The following RAB27B variants were observed in gnomAD, a reference collection of about 807,000 sequenced individuals.
RAB27B encodes RAB27B, member RAS oncogene family.
In RAB27B, 15 loss-of-function variants were observed where a neutral mutation model predicts 24.6. The ratio of observed to expected loss-of-function variants is 0.61; its 90% CI spans 0.41 to 0.94. The LOEUF is 0.94. RAB27B is among the 40% of genes least tolerant of loss of function. The pLI, the probability that RAB27B is intolerant of heterozygous loss-of-function variation, is 0.00. For missense variants in RAB27B, 261 were observed against 266.8 expected (o/e 0.98, Z 0.15); for synonymous variants, 105 against 92.5 (o/e 1.14, Z -0.78).
At chr18:54,727,603 A>G (rs140362823) in intron 2 of RAB27B, among the ~76,000 whole-genome samples, 233 of 152,316 alleles carry the variant, frequency 1.5e-3, no homozygotes, top group African/African-American at 5.3e-3. Flanking sequence ...CAAAAAACCA[A>G]ATATTTGTGG....
chr18:54,873,756 CAG>C (rs1912577799), intron 1 of RAB27B, among the ~76,000 whole-genome samples: 2 of 137,678 alleles, frequency 1.5e-5, no homozygotes, highest in East Asian at 2.1e-4. Flanking sequence ...CAGACATAGA[CAG>C]AGTGAGAGAG....
chr18:54,796,513 G>A (rs539846326), intron 2 of RAB27B, among the ~76,000 whole-genome samples: 1 of 152,248 alleles, frequency 6.6e-6, no homozygotes, highest in South Asian at 2.1e-4. Flanking sequence ...GCCAGAAGGG[G>A]AGATGGAATG....
intron 1 of RAB27B, among the ~76,000 whole-genome samples, chr18:54,839,554 GTCT>G (rs958419934): frequency 1.3e-5 from 2 of 152,152 alleles, no homozygotes; most frequent in Non-Finnish European, 2.9e-5. Context: ...CAACAGTTAG[GTCT>G]TCTCCAAACC....
intron 1 of RAB27B, among the ~76,000 whole-genome samples, chr18:54,858,841 G>A (rs973879540): frequency 1.3e-5 from 2 of 152,166 alleles, no homozygotes; most frequent in Admixed American, 6.5e-5. Flanking sequence ...CACTGGAGGA[G>A]TAGAATGATT....
chr18:54,755,207 C>T (rs987952325), intron 2 of RAB27B, among the ~76,000 whole-genome samples: 4 of 151,930 alleles, frequency 2.6e-5, no homozygotes, highest in African/African-American at 9.7e-5. Context: ...CTGGCCAACA[C>T]GATGAAACCC....
intron 2 of RAB27B, among the ~76,000 whole-genome samples, chr18:54,801,395 A>T (rs373502466): frequency 6.6e-6 from 1 of 152,174 alleles, no homozygotes; most frequent in African/African-American, 2.4e-5. Flanking sequence ...AAACTGATTT[A>T]CAACAATGTA....
chr18:54,828,168 G>C (rs999367079), upstream of RAB27B: 2 of 152,194 alleles, frequency 1.3e-5, no homozygotes, highest in Non-Finnish European at 2.9e-5. Flanking sequence ...CCTCGGAGGA[G>C]AGAACGCAAT....
At chr18:54,864,690 C>T (rs772667586) in intron 1 of RAB27B, among the ~76,000 whole-genome samples, 20 of 152,230 alleles carry the variant, frequency 1.3e-4, no homozygotes, top group Admixed American at 3.9e-4. Flanking sequence ...TGTCCTGCCA[C>T]CCTTGTCACA....
intron 1 of RAB27B, among the ~76,000 whole-genome samples, chr18:54,845,605 T>C (rs916703370): frequency 1.3e-5 from 2 of 152,112 alleles, no homozygotes; most frequent in Non-Finnish European, 2.9e-5. Context: ...GAGTCGCTGG[T>C]TGGACCCCCT....
rs540558282 is a variant in RAB27B, at chr18:54,774,001, A to G, written c.-20+55860A>G. 1.5e-3 allele frequency among the ~76,000 whole-genome samples: 233 copies of G among 152,316 alleles called. 13 individuals carry two copies. In the South Asian group the frequency reaches 0.047, roughly 31 times the overall value. Reference sequence around the variant, plus strand: ...CTGAGACAATCTACTTTCTACCACCAGAATAGGTTAGTTAATTTAACTAAA... The same window carrying G: ...CTGAGACAATCTACTTTCTACCACCGGAATAGGTTAGTTAATTTAACTAAA... On this transcript the variant is annotated intron_variant, in intron 2 of 4. Coordinates refer to the RAB27B transcript ENST00000586570.
At chr18:54,760,090 G>A (rs996929386) in intron 2 of RAB27B, among the ~76,000 whole-genome samples, 3 of 152,172 alleles carry the variant, frequency 2.0e-5, no homozygotes, top group African/African-American at 7.2e-5. Context: ...CACACCCTCT[G>A]GGACTCTGGA....
chr18:54,809,551 C>T (rs1348385015), intron 2 of RAB27B, among the ~76,000 whole-genome samples: 1 of 152,174 alleles, frequency 6.6e-6, no homozygotes, highest in East Asian at 1.9e-4. Context: ...AGAGAATAAA[C>T]ATTGGTTCAA....
intron 2 of RAB27B, among the ~76,000 whole-genome samples, chr18:54,818,810 T>C (rs1379502946): frequency 2.0e-5 from 3 of 152,226 alleles, no homozygotes; most frequent in Non-Finnish European, 4.4e-5. Flanking sequence ...TCTTATTAAT[T>C]GTATCTTTAT....
At chr18:54,808,157 G>T (rs576755062) in intron 2 of RAB27B, among the ~76,000 whole-genome samples, 1 of 152,130 alleles carries the variant, frequency 6.6e-6, no homozygotes, top group African/African-American at 2.4e-5. Context: ...TCTACATATT[G>T]TTTGTAATCC....
intron 1 of RAB27B, among the ~76,000 whole-genome samples, chr18:54,868,212 G>C (rs1293891093): frequency 6.6e-6 from 1 of 152,144 alleles, no homozygotes; most frequent in African/African-American, 2.4e-5. Context: ...AAAGTGTGAT[G>C]TTCTACTTCT....
intron 1 of RAB27B, among the ~76,000 whole-genome samples, chr18:54,872,198 C>G (rs757294315): frequency 1.3e-5 from 2 of 152,200 alleles, no homozygotes; most frequent in Non-Finnish European, 2.9e-5. Context: ...TATGTGTTCT[C>G]TGCTAGCACA....
At chr18:54,791,056 C>T (rs1909231167) in intron 2 of RAB27B, among the ~76,000 whole-genome samples, 1 of 152,138 alleles carries the variant, frequency 6.6e-6, no homozygotes, top group Non-Finnish European at 1.5e-5. Flanking sequence ...TGAACAGGAA[C>T]ATTGCATTAA....
chr18:54,844,668 A>G (rs1481888616), intron 1 of RAB27B, among the ~76,000 whole-genome samples: 3 of 151,992 alleles, frequency 2.0e-5, no homozygotes, highest in African/African-American at 7.2e-5. Context: ...TGGCCTCCCA[A>G]AGTGCTGGGA....
At chr18:54,785,326 T>A (rs889683287) in intron 2 of RAB27B, among the ~76,000 whole-genome samples, 1 of 151,774 alleles carries the variant, frequency 6.6e-6, no homozygotes, top group Admixed American at 6.6e-5. Flanking sequence ...GGTCTTGAAC[T>A]CCTGACCTCA....
Sources: gnomAD v4.1 joint callset for allele counts (sites outside exome capture counted in the v4.1 genomes callset) on GRCh38, gnomAD v4.1.1 for gene constraint, MANE v1.5 for transcripts, NCBI Gene and HGNC (gene_info 2026-07-23, HGNC 2026-07-21) for gene names.